The following ASB16 variants were observed in gnomAD, a reference collection of about 807,000 sequenced individuals.
ASB16 encodes ankyrin repeat and SOCS box containing 16.
ASB16 carries 44 observed loss-of-function variants against 39.1 expected under a neutral mutation model. The ratio of observed to expected loss-of-function variants is 1.13; its 90% CI spans 0.88 to 1.45. ASB16 has a LOEUF of 1.45. Ranked by LOEUF, ASB16 falls within the 40% of genes most tolerant of loss-of-function variation. The probability of loss-of-function intolerance (pLI) is 0.00; values close to 1 mark genes in which losing one functional copy is unlikely to be tolerated. For synonymous variants in ASB16, 305 were observed against 286.7 expected (o/e 1.06, Z -0.64); for missense variants, 698 against 634.5 (o/e 1.10, Z -1.07).
At chr17:44,173,344 G>GA (rs2144182098) in intron 2 of ASB16, among the ~76,000 whole-genome samples, 1 of 146,386 alleles carries the variant, frequency 6.8e-6, no homozygotes, top group South Asian at 2.2e-4. Context: ...AGTGAACCGA[G>GA]ATTGTGCCAC....
intron 2 of ASB16, chr17:44,176,425 C>T: frequency 4.4e-6 from 2 of 454,012 alleles, no homozygotes; most frequent in South Asian, 4.4e-5. Flanking sequence ...GGGGTGGAGA[C>T]AGAGTAGACT....
Position 44,177,629 on chromosome 17 carries a change from C to T in ASB16, c.1083C>T (p.Asn361=). 1 of 1,613,938 alleles carries T rather than the reference C, an allele frequency of 6.2e-7. No individual in the cohort carries two copies. Among genetic ancestry groups the T allele is most frequent in the Admixed American group, 1.7e-5 (1 of 60,002 alleles). ...VRPEMLKHCA[N]FPRALEVLLN... ...CCTAGATGCTGAAACACTGCGCCAA[C>T]TTCCCTCGGGCCCTGGAAGTCCTGC... The change falls in exon 4 of 5, where the codon AAC becomes AAT. Residue 361 remains asparagine, a synonymous_variant. Coordinates refer to ENST00000293414, the MANE Select transcript of ASB16 (RefSeq NM_080863.5).
intron 3 of ASB16, 160 bp downstream of exon 3, chr17:44,177,390 G>A (rs1043666666): frequency 8.2e-7 from 1 of 1,226,280 alleles, no homozygotes; most frequent in Non-Finnish European, 1.1e-6. Flanking sequence ...AGGATTCTGG[G>A]AGAGAGAGTC....
rs2054307372 is a variant in ASB16 at position 44,177,124 on chromosome 17, C to CGCCCATGGACTGTGCGCTGGTG, written c.975_976insGTGGCCCATGGACTGTGCGCTG (p.Gln326ValfsTer19). On this transcript the variant is annotated frameshift_variant, in exon 3 of 5. Coordinates refer to ENST00000293414, the MANE Select transcript of ASB16 (RefSeq NM_080863.5). LOFTEE classifies it high-confidence loss of function. ...GAGGTCCCCAATGGGGCGGGCCACA[C>CGCCCATGGACTGTGCGCTGGTG]GCCCATGGACTGTGCGCTGCAGGCC... 3.4e-6 allele frequency: 5 copies of CGCCCATGGACTGTGCGCTGGTG among 1,486,128 alleles called. No individual in the cohort carries two copies. In the African/African-American group the frequency reaches 7.2e-5, roughly 21 times the overall value. The allele number at this position is 1,486,128 out of a possible 1,614,324, so 92.1% of individuals were successfully genotyped here.
In ASB16 at chr17:44,172,353, G is replaced by A. The variant is rs961433896; in HGVS notation, c.569+40G>A. 8 of 1,589,240 alleles carry A rather than the reference G, an allele frequency of 5.0e-6. No individual in the cohort carries two copies. In the Admixed American group the frequency reaches 1.2e-4, roughly 23 times the overall value. ...GCTGAGACAGTTTGGGGAGAAATGT[G>A]TGTGTGTGTCTCCAGCTCACAAGGC... On this transcript the variant is annotated intron_variant, in intron 2 of 4. Transcript: ENST00000293414.
intron 2 of ASB16, among the ~76,000 whole-genome samples, chr17:44,175,551 T>C (rs1054174989): frequency 2.6e-5 from 4 of 152,068 alleles, no homozygotes; most frequent in African/African-American, 7.2e-5. Flanking sequence ...CTACCTGGAA[T>C]ATGTGAGCAA....
rs371424418 is a variant in ASB16, at chr17:44,178,368, G to T, written c.1340G>T (p.Arg447Leu). 25 of 1,604,282 alleles carry T rather than the reference G, an allele frequency of 1.6e-5. No homozygotes were observed. The highest frequency in any genetic ancestry group is 1.9e-5 in the Non-Finnish European group (22 of 1,175,060). The change falls in exon 5 of 5, where the codon CGT (arginine) becomes CTT (leucine). Residue 447 changes from arginine to leucine, a missense_variant. Coordinates refer to ENST00000293414, the MANE Select transcript of ASB16 (RefSeq NM_080863.5). ...PPLLRDYLLL[R>L]VEGCIQ ...CTCCTCAGGGACTACCTGCTGCTGC[G>T]TGTGGAGGGGTGCATCCAGTGAACC...
At position 44,170,826 on chromosome 17, in the gene ASB16, C is replaced by G. The variant is rs759914571; in HGVS notation, c.37C>G (p.Leu13Val). The G allele has an allele frequency of 3.7e-6, 6 of 1,610,806 alleles. No individual in the cohort carries two copies. The highest frequency in any genetic ancestry group is 5.1e-6 in the Non-Finnish European group (6 of 1,179,136). ...GACCTTCCCCTTCACCTCCTCCATG[C>G]TGCGCTCTCTCCGCCTGCAGCAGGA... is the stretch of plus-strand genomic sequence containing the variant. ...RETFPFTSSMLRSLRLQQEWL... is the reference protein window; with the variant it reads ...RETFPFTSSMVRSLRLQQEWL... The change falls in exon 1 of 5, where the codon CTG becomes GTG. Residue 13 changes from leucine (L) to valine (V), a missense_variant. Coordinates refer to ENST00000293414, the MANE Select transcript of ASB16 (RefSeq NM_080863.5).
At position 44,178,618 on chromosome 17, in the gene ASB16, A is replaced by G. The variant is rs769060341; in HGVS notation, c.*228A>G. Reference sequence around the variant, plus strand: ...CTTCCGAGTAGCTGGGACTACAGGCATGAGTCACCACACCTGGCTGATTTT... The same window carrying G: ...CTTCCGAGTAGCTGGGACTACAGGCGTGAGTCACCACACCTGGCTGATTTT... On this transcript the variant is annotated 3_prime_UTR_variant, in exon 5 of 5. Coordinates refer to ENST00000293414, the MANE Select transcript of ASB16 (RefSeq NM_080863.5). 700 of 561,272 alleles carry G rather than the reference A, an allele frequency of 1.2e-3. 1 individual carries two copies. Among genetic ancestry groups the G allele is most frequent in the Non-Finnish European group, 1.7e-3 (530 of 317,478 alleles). 34.8% of individuals were successfully genotyped at this position (561,272 alleles called of 1,614,324 possible).
At chr17:44,175,007 C>G (rs1047944041) in intron 2 of ASB16, among the ~76,000 whole-genome samples, 10 of 150,762 alleles carry the variant, frequency 6.6e-5, no homozygotes, top group Admixed American at 6.7e-5. Flanking sequence ...GAGGCTGAGG[C>G]AGAAGAATTG....
At chr17:44,173,127 G>A (rs1191964893) in intron 2 of ASB16, among the ~76,000 whole-genome samples, 3 of 134,880 alleles carry the variant, frequency 2.2e-5, no homozygotes, top group Non-Finnish European at 4.7e-5. Flanking sequence ...CATGGCTCAC[G>A]CCTGTAATCC....
At position 44,176,908 on chromosome 17, in the gene ASB16, T is replaced by A. The variant is rs368007994; in HGVS notation, c.740T>A (p.Leu247Gln). 210 of 1,583,868 alleles carry A rather than the reference T, an allele frequency of 1.3e-4. No individual in the cohort carries two copies. Among genetic ancestry groups the A allele is most frequent in the Non-Finnish European group, 1.7e-4 (199 of 1,170,496 alleles). ...GLRTSQGETA[L>Q]NTACAGAEGP... Reference sequence around the variant, plus strand: ...CGCACCAGCCAGGGCGAGACTGCGCTGAACACGGCGTGCGCTGGGGCCGAG... The same window carrying A: ...CGCACCAGCCAGGGCGAGACTGCGCAGAACACGGCGTGCGCTGGGGCCGAG... The change falls in exon 3 of 5, where the codon CTG (leucine) becomes CAG (glutamine). Residue 247 changes from leucine to glutamine, a missense_variant. Leu to Gln is a moderately radical substitution (Grantham distance 113, BLOSUM62 -2). Transcript: ENST00000293414.
At chr17:44,173,189 C>A (rs2054257527) in intron 2 of ASB16, among the ~76,000 whole-genome samples, 1 of 149,394 alleles carries the variant, frequency 6.7e-6, no homozygotes, top group Admixed American at 6.7e-5. Context: ...GAGTTCAAGA[C>A]CAGCCTGGCC....
At chr17:44,177,343 T>G (rs2054313118) in intron 3 of ASB16, 113 bp downstream of exon 3, 1 of 1,388,292 alleles carries the variant, frequency 7.2e-7, no homozygotes, top group Admixed American at 2.9e-5. Flanking sequence ...CTGCCCTCAG[T>G]GGCCAGGGGG....
intron 1 of ASB16, 122 bp from the exon 2 acceptor site, chr17:44,171,923 GT>G: frequency 9.8e-7 from 1 of 1,024,362 alleles, no homozygotes; most frequent in Non-Finnish European, 1.4e-6. Context: ...GCCTGGCAGT[GT>G]TTGTGCTCAG....
rs2054251195 is a variant in ASB16, at chr17:44,172,433, T to C, written c.569+120T>C. On this transcript the variant is annotated intron_variant, in intron 2 of 4. Coordinates refer to ENST00000293414, the MANE Select transcript of ASB16 (RefSeq NM_080863.5). ...GCTTTGTGGTTCATAAAGCACCGCA[T>C]ATACACATCTTCACAATAACCTGGA... 12 of 1,152,618 alleles carry C rather than the reference T, an allele frequency of 1.0e-5. 1 individual carries two copies. The highest frequency in any genetic ancestry group is 1.5e-5 in the Non-Finnish European group (12 of 823,478). 71.4% of individuals were successfully genotyped at this position (1,152,618 alleles called of 1,614,324 possible).
intron 1 of ASB16, 134 bp from the exon 2 acceptor site, chr17:44,171,912 A>G (rs1367340240): frequency 2.3e-6 from 2 of 881,088 alleles, no homozygotes; most frequent in Non-Finnish European, 3.4e-6. Flanking sequence ...CCACAGGTAC[A>G]GCCTGGCAGT....
chr17:44,178,090 A>C, intron 4 of ASB16, 115 bp from the exon 5 acceptor site: 1 of 1,084,376 alleles, frequency 9.2e-7, no homozygotes, highest in East Asian at 2.5e-5. Context: ...GAGTCCTTTG[A>C]GACACATGAA....
Position 44,170,826 on chromosome 17 carries a change from C to T in ASB16, c.37C>T (p.Leu13=). The T allele has an allele frequency of 1.9e-6, 3 of 1,610,806 alleles. No homozygotes were observed. The highest frequency in any genetic ancestry group is 2.5e-6 in the Non-Finnish European group (3 of 1,179,136). The change falls in exon 1 of 5, where the codon CTG becomes TTG. Residue 13 remains leucine (L), a synonymous_variant. Coordinates refer to ENST00000293414, the MANE Select transcript of ASB16 (RefSeq NM_080863.5). ...RETFPFTSSM[L]RSLRLQQEWL... is the part of the protein sequence containing the mutation. Reference sequence around the variant, plus strand: ...GACCTTCCCCTTCACCTCCTCCATGCTGCGCTCTCTCCGCCTGCAGCAGGA... The same window carrying T: ...GACCTTCCCCTTCACCTCCTCCATGTTGCGCTCTCTCCGCCTGCAGCAGGA...
Sources: gnomAD v4.1 joint callset for allele counts (sites outside exome capture counted in the v4.1 genomes callset) on GRCh38, gnomAD v4.1.1 for gene constraint, MANE v1.5 for transcripts, NCBI Gene and HGNC (gene_info 2026-07-23, HGNC 2026-07-21) for gene names.